CSNK1G3: variants seen among roughly 807,000 people sequenced by gnomAD.
CSNK1G3 encodes casein kinase I isoform gamma-3.
A neutral mutation model predicts 64.3 loss-of-function variants in CSNK1G3; 23 were observed. The observed-to-expected ratio is 0.36, with a 90% CI of 0.26 to 0.51. CSNK1G3 has a LOEUF of 0.51. Among genes scored for constraint, CSNK1G3 ranks in the 20% least tolerant of loss-of-function variants. CSNK1G3 has a pLI of 0.96. For missense variants in CSNK1G3, 357 were observed against 510.5 expected (o/e 0.70, Z 2.90); for synonymous variants, 158 against 162.2 (o/e 0.97, Z 0.20).
chr5:123,555,058 TTG>T (rs1784382665), intron 3 of CSNK1G3, among the ~76,000 whole-genome samples: 1 of 152,270 alleles, frequency 6.6e-6, no homozygotes, highest in Non-Finnish European at 1.5e-5. Context: ...AAGTTTATTT[TTG>T]TGCTGTATCT....
intron 4 of CSNK1G3, among the ~76,000 whole-genome samples, chr5:123,559,175 T>C (rs1785189270): frequency 6.6e-6 from 1 of 152,010 alleles, no homozygotes; most frequent in East Asian, 1.9e-4. Context: ...ATCCGAACTT[T>C]AGAGACTGAG....
At chr5:123,588,735 C>T (rs1379292808) in intron 8 of CSNK1G3, among the ~76,000 whole-genome samples, 3 of 152,070 alleles carry the variant, frequency 2.0e-5, no homozygotes, top group Non-Finnish European at 4.4e-5. Context: ...TAGTGTTGAT[C>T]ATTACCAGCT....
chr5:123,516,524 G>A (rs1041681190), intron 1 of CSNK1G3, among the ~76,000 whole-genome samples: 4 of 152,076 alleles, frequency 2.6e-5, no homozygotes, highest in Admixed American at 1.3e-4. Flanking sequence ...GAAAGTATGT[G>A]TTTATTTGTT....
intron 8 of CSNK1G3, among the ~76,000 whole-genome samples, chr5:123,589,897 G>C (rs1304152701): frequency 6.6e-6 from 1 of 151,926 alleles, no homozygotes; most frequent in Non-Finnish European, 1.5e-5. Flanking sequence ...TAGCTTAATT[G>C]GTTAGAATAC....
At chr5:123,597,192 A>G (rs2151057677) in intron 10 of CSNK1G3, among the ~76,000 whole-genome samples, 1 of 152,052 alleles carries the variant, frequency 6.6e-6, no homozygotes, top group Non-Finnish European at 1.5e-5. Context: ...AAAATATGAG[A>G]AGAATTTGCC....
chr5:123,540,659 G>C (rs184037449), intron 1 of CSNK1G3, among the ~76,000 whole-genome samples: 2 of 152,038 alleles, frequency 1.3e-5, no homozygotes, highest in African/African-American at 4.8e-5. Flanking sequence ...TTGAGACAGT[G>C]TCTTGCTCTG....
At chr5:123,560,174 AC>A (rs1785404082) in intron 4 of CSNK1G3, among the ~76,000 whole-genome samples, 1 of 152,162 alleles carries the variant, frequency 6.6e-6, no homozygotes, top group African/African-American at 2.4e-5. Context: ...ATGAGATACC[AC>A]TTCATACCCC....
chr5:123,551,698 C>T (rs1291405192), intron 2 of CSNK1G3, among the ~76,000 whole-genome samples: 1 of 152,016 alleles, frequency 6.6e-6, no homozygotes, highest in Non-Finnish European at 1.5e-5. Flanking sequence ...AGGTTCAGGC[C>T]ATTATGCTGG....
intron 1 of CSNK1G3, among the ~76,000 whole-genome samples, chr5:123,534,093 C>T (rs1780412788): frequency 6.6e-6 from 1 of 151,744 alleles, no homozygotes; most frequent in Admixed American, 6.6e-5. Context: ...ATTAACTGTC[C>T]TAGGTGTCAG....
intron 3 of CSNK1G3, 89 bp downstream of exon 3, chr5:123,553,236 C>T: frequency 1.5e-6 from 1 of 673,260 alleles, no homozygotes; most frequent in Non-Finnish European, 2.3e-6. Flanking sequence ...GTTTTCATGT[C>T]ATTTATAATT....
At chr5:123,559,191 G>C (rs1283489436) in intron 4 of CSNK1G3, among the ~76,000 whole-genome samples, 2 of 152,074 alleles carry the variant, frequency 1.3e-5, no homozygotes, top group Non-Finnish European at 2.9e-5. Context: ...CTGAGAATGG[G>C]GGAGGTGATT....
At chr5:123,543,788 G>T (rs1284139634) in intron 1 of CSNK1G3, among the ~76,000 whole-genome samples, 4 of 152,142 alleles carry the variant, frequency 2.6e-5, no homozygotes, top group Non-Finnish European at 5.9e-5. Context: ...GTTTACAACA[G>T]GCAGAGATGT....
At chr5:123,539,437 TAA>T (rs375475060) in intron 1 of CSNK1G3, among the ~76,000 whole-genome samples, 28 of 133,204 alleles carry the variant, frequency 2.1e-4, no homozygotes, top group East Asian at 2.2e-4. Context: ...AAGAGCAGAT[TAA>T]AAAAAAAAAA....
At chr5:123,582,617 C>T (rs1012588099) in intron 6 of CSNK1G3, among the ~76,000 whole-genome samples, 4 of 152,218 alleles carry the variant, frequency 2.6e-5, no homozygotes, top group East Asian at 3.9e-4. Context: ...AAAATAATCA[C>T]TTTCTGGTTT....
chr5:123,528,172 C>G (rs1007984994), intron 1 of CSNK1G3, among the ~76,000 whole-genome samples: 1 of 152,084 alleles, frequency 6.6e-6, no homozygotes, highest in African/African-American at 2.4e-5. Flanking sequence ...TTGTGACCTC[C>G]TTTAGTGAAT....
chr5:123,593,208 C>T (rs911865222), intron 10 of CSNK1G3, among the ~76,000 whole-genome samples: 2 of 150,964 alleles, frequency 1.3e-5, no homozygotes, highest in African/African-American at 4.9e-5. Context: ...TATATACACA[C>T]ACACACACAC....
intron 1 of CSNK1G3, among the ~76,000 whole-genome samples, chr5:123,531,440 A>T (rs1779927025): frequency 6.6e-6 from 1 of 152,016 alleles, no homozygotes; most frequent in Non-Finnish European, 1.5e-5. Flanking sequence ...TTGTAGATTC[A>T]TCAGTGGTCA....
intron 4 of CSNK1G3, among the ~76,000 whole-genome samples, chr5:123,558,056 C>T (rs1192619140): frequency 6.6e-6 from 1 of 152,118 alleles, no homozygotes; most frequent in Non-Finnish European, 1.5e-5. Flanking sequence ...AAGGAGTAGG[C>T]ATTGTGACTG....
intron 8 of CSNK1G3, among the ~76,000 whole-genome samples, chr5:123,589,802 G>A (rs1253342570): frequency 6.6e-6 from 1 of 152,026 alleles, no homozygotes; most frequent in Non-Finnish European, 1.5e-5. Flanking sequence ...CCAAATAATT[G>A]TTAAATATAT....
Sources: gnomAD v4.1 joint callset for allele counts (sites outside exome capture counted in the v4.1 genomes callset) on GRCh38, gnomAD v4.1.1 for gene constraint, MANE v1.5 for transcripts, NCBI Gene and HGNC (gene_info 2026-07-23, HGNC 2026-07-21) for gene names.